The following TNRC6B variants were observed in gnomAD, a reference collection of about 807,000 sequenced individuals.
TNRC6B encodes trinucleotide repeat-containing gene 6B protein.
Under a neutral mutation model 203.6 loss-of-function variants are expected in TNRC6B, and 52 were observed. The ratio of observed to expected loss-of-function variants is 0.26; its 90% CI spans 0.20 to 0.32. TNRC6B has a LOEUF of 0.32. TNRC6B is among the 10% of genes least tolerant of loss of function. TNRC6B has a pLI of 1.00. For synonymous variants in TNRC6B, 838 were observed against 845.7 expected (o/e 0.99, Z 0.16); for missense variants, 1,923 against 2,286.2 (o/e 0.84, Z 3.24).
At chr22:40,231,267 T>C (rs998430845) in intron 1 of TNRC6B, among the ~76,000 whole-genome samples, 7 of 152,204 alleles carry the variant, frequency 4.6e-5, no homozygotes, top group African/African-American at 1.4e-4. Context: ...AGAAGGTACT[T>C]GTCAATTTCT....
intron 1 of TNRC6B, among the ~76,000 whole-genome samples, chr22:40,240,124 C>T (rs949005631): frequency 3.9e-5 from 6 of 152,166 alleles, no homozygotes; most frequent in African/African-American, 1.4e-4. Flanking sequence ...AGCAACTGTG[C>T]CCGGCCGAAT....
chr22:40,125,411 CCG>C (rs1415891694), intron 2 of TNRC6B, among the ~76,000 whole-genome samples: 2 of 152,208 alleles, frequency 1.3e-5, no homozygotes, highest in African/African-American at 4.8e-5. Flanking sequence ...AACAGGTGCG[CCG>C]CTTTGCTCAC....
intron 3 of TNRC6B, among the ~76,000 whole-genome samples, chr22:40,152,802 A>T (rs963682976): frequency 9.2e-5 from 14 of 151,638 alleles, no homozygotes; most frequent in South Asian, 2.1e-4. Context: ...ATATGTGGGT[A>T]AAAAAAATGT....
chr22:40,298,986 A>C (rs893324214), intron 12 of TNRC6B, among the ~76,000 whole-genome samples: 1 of 151,620 alleles, frequency 6.6e-6, no homozygotes, highest in African/African-American at 2.4e-5. Flanking sequence ...AAGAAATGGC[A>C]GAGCTGGGTT....
chr22:40,291,711 C>T (rs1390248561), intron 12 of TNRC6B, among the ~76,000 whole-genome samples: 1 of 152,176 alleles, frequency 6.6e-6, no homozygotes, highest in Non-Finnish European at 1.5e-5. Flanking sequence ...TAATTTTTCC[C>T]TGTTACAAAT....
intron 1 of TNRC6B, among the ~76,000 whole-genome samples, chr22:40,202,258 T>C (rs1044228111): frequency 1.4e-5 from 2 of 147,470 alleles, no homozygotes; most frequent in Non-Finnish European, 3.0e-5. Flanking sequence ...TGTTGTTTTT[T>C]TGTTTTTTTT....
intron 3 of TNRC6B, among the ~76,000 whole-genome samples, chr22:40,143,509 G>A (rs978269790): frequency 6.6e-6 from 1 of 151,800 alleles, no homozygotes; most frequent in African/African-American, 2.4e-5. Context: ...TTTGTGGGGG[G>A]GATAGAGTCT....
chr22:40,311,027 A>G (rs1354489057), intron 17 of TNRC6B, 34 bp downstream of exon 17: 1 of 1,579,718 alleles, frequency 6.3e-7, no homozygotes, highest in East Asian at 2.3e-5. Flanking sequence ...CCAGGATAGC[A>G]TTTGTTTTGT....
At chr22:40,294,321 A>G (rs1236017405) in intron 12 of TNRC6B, among the ~76,000 whole-genome samples, 2 of 152,170 alleles carry the variant, frequency 1.3e-5, no homozygotes, top group Non-Finnish European at 2.9e-5. Context: ...GAGGCTTTTC[A>G]GTCTGAAATC....
chr22:40,077,643 A>C (rs906327028), intron 1 of TNRC6B, among the ~76,000 whole-genome samples: 7 of 152,144 alleles, frequency 4.6e-5, no homozygotes, highest in Non-Finnish European at 8.8e-5. Flanking sequence ...TTTAAAAAAA[A>C]CCCTTTATTA....
At chr22:40,046,187 G>A (rs960054791) in intron 1 of TNRC6B, among the ~76,000 whole-genome samples, 2 of 152,248 alleles carry the variant, frequency 1.3e-5, no homozygotes, top group Non-Finnish European at 2.9e-5. Flanking sequence ...GGAGATTTCA[G>A]TAGTATAAGG....
chr22:40,075,156 A>ATATTTTTTTTTTTTTTTTTTTTT, intron 1 of TNRC6B, among the ~76,000 whole-genome samples: 3 of 35,572 alleles, frequency 8.4e-5, no homozygotes, highest in Non-Finnish European at 1.0e-4. Context: ...ATATATATAT[A>ATATTTTTTTTTTTTTTTTTTTTT]TTTTTTTTTT....
chr22:40,299,758 C>T (rs938039054), intron 12 of TNRC6B, among the ~76,000 whole-genome samples: 1 of 152,186 alleles, frequency 6.6e-6, no homozygotes, highest in African/African-American at 2.4e-5. Context: ...ATGGCCCCAA[C>T]TAGTCCAGTG....
chr22:40,203,863 G>A (rs1016747557), intron 1 of TNRC6B, among the ~76,000 whole-genome samples: 2 of 152,218 alleles, frequency 1.3e-5, no homozygotes, highest in Non-Finnish European at 2.9e-5. Flanking sequence ...GTCAGAGAGG[G>A]AGGAGGGTGT....
intron 7 of TNRC6B, among the ~76,000 whole-genome samples, chr22:40,274,738 C>T (rs894543091): frequency 2.0e-5 from 3 of 152,074 alleles, no homozygotes; most frequent in Admixed American, 2.0e-4. Flanking sequence ...TAGATGATTT[C>T]TCTACATCAT....
chr22:40,182,844 C>T (rs2146382681), intron 1 of TNRC6B, among the ~76,000 whole-genome samples: 1 of 152,306 alleles, frequency 6.6e-6, no homozygotes, highest in Middle Eastern at 3.4e-3. Context: ...TAGCTCTGTG[C>T]ACTATCTCTT....
chr22:40,266,135 C>T lies in TNRC6B; in HGVS notation c.1905C>T (p.Asp635=). 1.2e-6 allele frequency: 2 copies of T among 1,613,890 alleles called. No homozygotes were observed. Among genetic ancestry groups the T allele is most frequent in the Non-Finnish European group, 1.7e-6 (2 of 1,179,894 alleles). Residue 635 remains aspartate (D), a synonymous_variant, in exon 5 of 23, where the codon GAC becomes GAT. Coordinates refer to ENST00000454349, the MANE Select transcript of TNRC6B (RefSeq NM_001162501.2). ...AAATTAAGCAGGACACAGTGTGGGA[C>T]ATTGAAGAGGTGCCAAGGCCTGAGG... The part of the protein sequence containing the change: ...QTQIKQDTVW[D]IEEVPRPEGK...
Position 40,261,820 on chromosome 22 carries a change from C to T in TNRC6B, c.116-12C>T, listed in dbSNP as rs2070388509. ...GTATTTCAAAGACTGTTTCCCAACC[C>T]CTCTCTTTTAGTGCCCGAAGTGACG... On this transcript the variant is annotated splice_polypyrimidine_tract_variant and intron_variant, in intron 3 of 22. Coordinates refer to ENST00000454349, the MANE Select transcript of TNRC6B (RefSeq NM_001162501.2). 5.9e-6 allele frequency: 9 copies of T among 1,526,724 alleles called. No individual in the cohort carries two copies. Among genetic ancestry groups the T allele is most frequent in the Non-Finnish European group, 8.0e-6 (9 of 1,121,906 alleles). The allele number at this position is 1,526,724 out of a possible 1,614,324, so 94.6% of individuals were successfully genotyped here.
intron 1 of TNRC6B, among the ~76,000 whole-genome samples, chr22:40,229,457 T>TC (rs1555891684): frequency 8.6e-4 from 130 of 151,444 alleles, no homozygotes; most frequent in African/African-American, 3.1e-3. Context: ...TTTTTTTTTT[T>TC]CTCTCTCTTC....
Sources: gnomAD v4.1 joint callset for allele counts (sites outside exome capture counted in the v4.1 genomes callset) on GRCh38, gnomAD v4.1.1 for gene constraint, MANE v1.5 for transcripts, NCBI Gene and HGNC (gene_info 2026-07-23, HGNC 2026-07-21) for gene names.